ASTN2: variants seen among roughly 807,000 people sequenced by gnomAD.
ASTN2 encodes the protein astrotactin-2.
ASTN2 carries 54 observed loss-of-function variants against 139.8 expected under a neutral mutation model. The ratio of observed to expected loss-of-function variants is 0.39; its 90% CI spans 0.31 to 0.48. The LOEUF is 0.48. ASTN2 is among the 20% of genes least tolerant of loss of function. The pLI, the probability that ASTN2 is intolerant of heterozygous loss-of-function variation, is 0.95. For missense variants in ASTN2, 1,565 were observed against 1,725.1 expected (o/e 0.91, Z 1.64); for synonymous variants, 756 against 719.5 (o/e 1.05, Z -0.81).
At chr9:116,488,487 A>T (rs890502674) in intron 19 of ASTN2, among the ~76,000 whole-genome samples, 3 of 152,250 alleles carry the variant, frequency 2.0e-5, no homozygotes, top group African/African-American at 7.2e-5. Flanking sequence ...AAGGATAAAC[A>T]TCGCAGTACT....
intron 7 of ASTN2, among the ~76,000 whole-genome samples, chr9:117,003,951 CGCGT>C (rs1325529258): frequency 9.2e-5 from 12 of 130,988 alleles, no homozygotes; most frequent in South Asian, 2.5e-4. Context: ...CGCGCGCGCG[CGCGT>C]GTGTGTGTGT....
Position 117,076,683 on chromosome 9 carries a change from G to A in ASTN2, c.1276+19361C>T, listed in dbSNP as rs147912502. On this transcript the variant is annotated intron_variant, in intron 5 of 22. Transcript: ENST00000313400. ...TGACACCAACTTGTCTAAGGCAGGG[G>A]CAGCGGGGGTGGAGGGAGAGAGCAT... Among the ~76,000 whole-genome samples the A allele has an allele frequency of 2.7e-3, 406 of 152,220 alleles. 1 individual carries two copies. Among genetic ancestry groups the A allele is most frequent in the African/African-American group, 9.0e-3 (373 of 41,544 alleles).
At chr9:117,212,562 CAAAAACAAAAAACAA>C (rs56291870) in intron 3 of ASTN2, among the ~76,000 whole-genome samples, 143,657 of 151,182 alleles carry the variant, frequency 0.95, 68,456 homozygotes, top group Non-Finnish European at 0.99. Context: ...ATTCCAACAG[CAAAAACAAAAAACAA>C]AAAAACAAAA....
chr9:117,300,452 T>G (rs1257754703), intron 1 of ASTN2, among the ~76,000 whole-genome samples: 12 of 152,188 alleles, frequency 7.9e-5, no homozygotes, highest in African/African-American at 2.9e-4. Context: ...CTGAGTTTCT[T>G]GTCTTCAAGA....
chr9:116,722,414 C>T (rs939794408), intron 16 of ASTN2, among the ~76,000 whole-genome samples: 1 of 152,118 alleles, frequency 6.6e-6, no homozygotes, highest in Admixed American at 6.5e-5. Flanking sequence ...GCACATTCAC[C>T]CCATCTCCCT....
intron 13 of ASTN2, among the ~76,000 whole-genome samples, chr9:116,799,706 T>TGGGGGGG (rs71379228): frequency 1.5e-4 from 18 of 123,310 alleles, no homozygotes; most frequent in African/African-American, 5.6e-4. Context: ...GGTAAGAGAG[T>TGGGGGGG]GGGGGGGGGG....
At chr9:116,554,759 A>G (rs1407530491) in intron 19 of ASTN2, among the ~76,000 whole-genome samples, 1 of 152,096 alleles carries the variant, frequency 6.6e-6, no homozygotes, top group East Asian at 1.9e-4. Flanking sequence ...CTGGTTTTCC[A>G]TTTACCAGTA....
Position 117,060,510 on chromosome 9 carries a change from A to AAAGAAAGG in ASTN2, c.1277-20546_1277-20545insCCTTTCTT, listed in dbSNP as rs1554774153. On this transcript the variant is annotated intron_variant, in intron 5 of 22. Transcript: ENST00000313400. ...GAATGAAAGAAAGAAAGAAAGAAAG[A>AAAGAAAGG]AAGGAAGGAAGGAAGGAAGGAAGGA... is the stretch of plus-strand genomic sequence containing the variant. Among the ~76,000 whole-genome samples the AAAGAAAGG allele has an allele frequency of 9.8e-5, 8 of 81,528 alleles. 2 individuals are homozygous for AAAGAAAGG. The highest frequency in any genetic ancestry group is 3.9e-4 in the African/African-American group (6 of 15,460). 53.5% of individuals were successfully genotyped at this position (81,528 alleles called of 152,430 possible).
intron 1 of ASTN2, among the ~76,000 whole-genome samples, chr9:117,325,209 A>T (rs1015700319): frequency 6.6e-6 from 1 of 152,118 alleles, no homozygotes; most frequent in Non-Finnish European, 1.5e-5. Context: ...GACAGGCTAG[A>T]CTCTGGCCAG....
intron 5 of ASTN2, among the ~76,000 whole-genome samples, chr9:117,071,301 G>A (rs1158962988): frequency 3.3e-5 from 5 of 150,826 alleles, no homozygotes; most frequent in South Asian, 2.1e-4. Flanking sequence ...CTGCTGGGGG[G>A]TGCCTCCCAG....
rs140330520 is a variant in ASTN2 at position 117,131,063 on chromosome 9, T to C, written c.1168+10263A>G. On this transcript the variant is annotated intron_variant, in intron 4 of 22. Coordinates refer to ENST00000313400, the MANE Select transcript of ASTN2 (RefSeq NM_001365068.1). ...GATTACAGCTGAATTAGAAAAGAGC[T>C]GAAGTTGTCAACTTCTAACTATGTA... Among the ~76,000 whole-genome samples, 1,039 of 152,352 alleles carry C rather than the reference T, an allele frequency of 6.8e-3. 11 individuals carry two copies. The highest frequency in any genetic ancestry group is 0.024 in the African/African-American group (980 of 41,574).
At chr9:117,000,036 AT>A (rs1183179136) in intron 7 of ASTN2, among the ~76,000 whole-genome samples, 11 of 152,226 alleles carry the variant, frequency 7.2e-5, no homozygotes, top group Admixed American at 2.0e-4. Flanking sequence ...ACATTGTTGG[AT>A]TAAACGTCTC....
Position 116,561,618 on chromosome 9 carries a change from C to G in ASTN2, c.3355+56706G>C, listed in dbSNP as rs766641695. 3.9e-5 allele frequency among the ~76,000 whole-genome samples: 6 copies of G among 152,108 alleles called. No individual in the cohort carries two copies. In the South Asian group the frequency reaches 1.2e-3, roughly 32 times the overall value. Reference sequence around the variant, plus strand: ...CACAAATAAAATGAGAAGGAGAAAACAAGAGTCTCCTTGTCAAAATCTAAA... The same window carrying G: ...CACAAATAAAATGAGAAGGAGAAAAGAAGAGTCTCCTTGTCAAAATCTAAA... On this transcript the variant is annotated intron_variant, in intron 19 of 22. Transcript: ENST00000313400.
intron 20 of ASTN2, among the ~76,000 whole-genome samples, chr9:116,443,363 G>T (rs993040573): frequency 6.6e-6 from 1 of 152,142 alleles, no homozygotes; most frequent in African/African-American, 2.4e-5. Flanking sequence ...GTAGAAGGTC[G>T]GTGGGAACCT....
At chr9:116,933,297 A>G (rs911616605) in intron 10 of ASTN2, among the ~76,000 whole-genome samples, 2 of 152,084 alleles carry the variant, frequency 1.3e-5, no homozygotes, top group African/African-American at 4.8e-5. Flanking sequence ...CTCCCAGTCA[A>G]TGCTGTAAAA....
At chr9:117,112,291 A>G (rs554283725) in intron 4 of ASTN2, among the ~76,000 whole-genome samples, 122 of 152,216 alleles carry the variant, frequency 8.0e-4, no homozygotes, top group African/African-American at 2.7e-3. Context: ...TGACAAGGTA[A>G]TTCTAAAATT....
chr9:116,551,349 T>G (rs949972032), intron 19 of ASTN2, among the ~76,000 whole-genome samples: 1 of 152,196 alleles, frequency 6.6e-6, no homozygotes, highest in African/African-American at 2.4e-5. Flanking sequence ...CTGAGAACAC[T>G]GAGAAAATCA....
chr9:117,314,177 A>G (rs1234288929), intron 1 of ASTN2, among the ~76,000 whole-genome samples: 3 of 152,184 alleles, frequency 2.0e-5, no homozygotes, highest in Non-Finnish European at 2.9e-5. Context: ...AACACTGCTA[A>G]CAATGCATCC....
chr9:116,683,526 T>G (rs2132027890), intron 16 of ASTN2, among the ~76,000 whole-genome samples: 1 of 152,320 alleles, frequency 6.6e-6, no homozygotes, highest in South Asian at 2.1e-4. Flanking sequence ...GATATCACAC[T>G]CTGAGTGCAG....
Sources: gnomAD v4.1 joint callset for allele counts (sites outside exome capture counted in the v4.1 genomes callset) on GRCh38, gnomAD v4.1.1 for gene constraint, MANE v1.5 for transcripts, NCBI Gene and HGNC (gene_info 2026-07-23, HGNC 2026-07-21) for gene names.